Variants in EIF4A3 observed in about 807,000 individuals in gnomAD.
The protein encoded by EIF4A3 is eukaryotic translation initiation factor 4A3.
Under a neutral mutation model 55.6 loss-of-function variants are expected in EIF4A3, and 1 was observed. The ratio of observed to expected loss-of-function variants is 0.02; its 90% confidence interval spans 0.01 to 0.09. The LOEUF is 0.09. EIF4A3 is among the 10% of genes least tolerant of loss of function. The pLI is 1.00. For synonymous variants in EIF4A3, 194 were observed against 196.3 expected, an observed-to-expected ratio of 0.99 and a Z score of 0.10; for missense variants, 221 against 540.7, an observed-to-expected ratio of 0.41 and a Z score of 5.86.
At chr17:80,139,869 C>A (rs2039603413) in intron 5 of EIF4A3, 119 bp from the exon 6 acceptor site, 1 of 1,496,112 alleles carries the variant, frequency 6.7e-7, no homozygotes, top group East Asian at 2.3e-5. Flanking sequence ...GTTCCAGAGA[C>A]CTTCCCTCTA....
intron 1 of EIF4A3, among the ~76,000 whole-genome samples, chr17:80,146,190 GC>G (rs2039661239): frequency 6.6e-6 from 1 of 152,160 alleles, no homozygotes; most frequent in African/African-American, 2.4e-5. Flanking sequence ...CTGGCTAAGG[GC>G]TGCAAGGCCC....
Position 80,134,582 on chromosome 17 carries a change from G to T in EIF4A3, c.*908C>A, listed in dbSNP as rs1033504372. Among the ~76,000 whole-genome samples the T allele has an allele frequency of 6.6e-6, 1 of 151,994 alleles. No homozygotes were observed. The highest frequency in any genetic ancestry group is 6.6e-5 in the Admixed American group (1 of 15,260). On this transcript the variant is annotated 3_prime_UTR_variant, in exon 12 of 12. Transcript: ENST00000649764. ...CTCACACCTGTTATCCCAGCACTTT[G>T]TAAGGCCAAGATGGGAGAATCACTT...
At position 80,137,487 on chromosome 17, in the gene EIF4A3, C is replaced by T. The variant is rs149463025; in HGVS notation, c.882G>A (p.Thr294=). ...TGAAGTTGGCTTCCCTCATTTTCTC[C>T]GTCAGCCAGTCCACCTACAAATCCA... ...CNTKRKVDWL[T]EKMREANFTV... Residue 294 remains threonine (T), a synonymous_variant, in exon 9 of 12, where the codon ACG becomes ACA. Transcript: ENST00000649764. 66 of 1,613,112 alleles carry T rather than the reference C, an allele frequency of 4.1e-5. No homozygotes were observed. The African/African-American group carries it at 4.9e-4, about 12-fold the overall frequency.
chr17:80,139,190 G>A, intron 6 of EIF4A3, 28 bp from the exon 7 acceptor site: 2 of 1,612,626 alleles, frequency 1.2e-6, no homozygotes, highest in Non-Finnish European at 1.7e-6. Flanking sequence ...ACAGGTGAGG[G>A]ATGTTTAGGG....
chr17:80,142,041 A>G (rs1373499689), intron 2 of EIF4A3, among the ~76,000 whole-genome samples, 193 bp from the exon 3 acceptor site: 1 of 152,202 alleles, frequency 6.6e-6, no homozygotes, highest in Non-Finnish European at 1.5e-5. Context: ...GAAGAAAGAG[A>G]GTAGACATGG....
rs1167304145 is a variant in EIF4A3 at position 80,139,754 on chromosome 17, T to A, written c.506-4A>T. 6.2e-7 allele frequency: 1 copy of A among 1,612,052 alleles called. No homozygotes were observed. Among genetic ancestry groups the A allele is most frequent in the South Asian group, 1.1e-5 (1 of 90,504 alleles). On this transcript the variant is annotated splice_polypyrimidine_tract_variant and splice_region_variant and intron_variant, in intron 5 of 11. Transcript: ENST00000649764. ...AGGCTTCTGCGACGAATCATATCTATAACATGAGATTTTGAAATACTTACG... is the reference window on the plus strand; with the variant it reads ...AGGCTTCTGCGACGAATCATATCTAAAACATGAGATTTTGAAATACTTACG...
At chr17:80,145,366 C>T (rs1348375338) in intron 1 of EIF4A3, among the ~76,000 whole-genome samples, 1 of 152,088 alleles carries the variant, frequency 6.6e-6, no homozygotes, top group Non-Finnish European at 1.5e-5. Context: ...GAGTTCAAGA[C>T]CAGCCTGGGC....
At position 80,140,082 on chromosome 17, in the gene EIF4A3, G is replaced by A; in HGVS notation, c.431C>T (p.Thr144Ile). The change falls in exon 5 of 12, where the codon ACC becomes ATC. Residue 144 changes from threonine (T) to isoleucine (I), a missense_variant. This residue lies in a region of EIF4A3 where 85 missense variants were observed against 205.8 expected (regional missense o/e 0.41). Coordinates refer to ENST00000649764, the MANE Select transcript of EIF4A3 (RefSeq NM_014740.4). Reference sequence around the variant, plus strand: ...CTTCCTGATGTCCTCGCCAACATTGGTGCCTCCAATGCAGGCATGGCACTG... The same window carrying A: ...CTTCCTGATGTCCTCGCCAACATTGATGCCTCCAATGCAGGCATGGCACTG... ...NVQCHACIGG[T>I]NVGEDIRKLD... The A allele has an allele frequency of 1.2e-6, 2 of 1,613,776 alleles. No homozygotes were observed. The highest frequency in any genetic ancestry group is 1.7e-6 in the Non-Finnish European group (2 of 1,179,948).
intron 5 of EIF4A3, 70 bp from the exon 6 acceptor site, chr17:80,139,820 G>C: frequency 6.5e-7 from 1 of 1,542,102 alleles, no homozygotes; most frequent in Non-Finnish European, 8.9e-7. Context: ...TCACACCTGA[G>C]GCTCCCAAGA....
At chr17:80,143,750 G>A (rs1240320449) in intron 2 of EIF4A3, among the ~76,000 whole-genome samples, 1 of 152,170 alleles carries the variant, frequency 6.6e-6, no homozygotes, top group Admixed American at 6.5e-5. Flanking sequence ...AGGCCAAGGA[G>A]GGTGGATCAC....
intron 1 of EIF4A3, among the ~76,000 whole-genome samples, chr17:80,145,885 C>A (rs1361236512): frequency 6.6e-6 from 1 of 152,134 alleles, no homozygotes; most frequent in Non-Finnish European, 1.5e-5. Context: ...CCTGGTACTC[C>A]ATCTCCAAGG....
At chr17:80,136,572 AAT>A in intron 9 of EIF4A3, 1 of 535,190 alleles carries the variant, frequency 1.9e-6, no homozygotes, top group African/African-American at 1.9e-5. Context: ...AGATTAAAAA[AAT>A]AGACATCTTT....
intron 2 of EIF4A3, among the ~76,000 whole-genome samples, chr17:80,143,762 T>C (rs552288297): frequency 1.3e-5 from 2 of 152,182 alleles, no homozygotes; most frequent in East Asian, 3.9e-4. Flanking sequence ...GTGGATCACC[T>C]GAGGTCAGGA....
At position 80,136,216 on chromosome 17, in the gene EIF4A3, C is replaced by T. The variant is rs759653933; in HGVS notation, c.1091+12G>A. The stretch of plus-strand genomic sequence containing the variant: ...GTCACAGAAGTGAAGCCAATGAGAG[C>T]TTGCACCTTACCTGTGTATGTACAA... On this transcript the variant is annotated intron_variant, in intron 10 of 11. Transcript: ENST00000649764. The T allele has an allele frequency of 8.7e-6, 14 of 1,612,896 alleles. No homozygotes were observed. Among genetic ancestry groups the T allele is most frequent in the Admixed American group, 1.7e-5 (1 of 59,948 alleles).
chr17:80,144,682 C>A (rs76850343), intron 1 of EIF4A3, among the ~76,000 whole-genome samples: 16 of 150,316 alleles, frequency 1.1e-4, no homozygotes, highest in Admixed American at 4.0e-4. Context: ...AAAAAAAAAA[C>A]AACAAAAAAA....
chr17:80,143,796 T>C (rs1209802264), intron 2 of EIF4A3, among the ~76,000 whole-genome samples: 1 of 124,880 alleles, frequency 8.0e-6, no homozygotes, highest in African/African-American at 3.2e-5. Context: ...CTGACCAACA[T>C]GGTGAAACCC....
At chr17:80,137,341 G>C (rs1416074537) in intron 9 of EIF4A3, 45 bp downstream of exon 9, 1 of 1,560,362 alleles carries the variant, frequency 6.4e-7, no homozygotes, top group Non-Finnish European at 8.8e-7. Flanking sequence ...CTTAGACACA[G>C]TCTAGCAAAC....
chr17:80,138,024 C>G (rs1246939978), intron 8 of EIF4A3, 118 bp downstream of exon 8: 1 of 1,343,972 alleles, frequency 7.4e-7, no homozygotes, highest in African/African-American at 1.5e-5. Flanking sequence ...GAACACATAC[C>G]CTGAAAGCTT....
Position 80,141,246 on chromosome 17 carries a change from A to G in EIF4A3, c.372+73T>C, listed in dbSNP as rs1044801295. 5 of 1,448,964 alleles carry G rather than the reference A, an allele frequency of 3.5e-6. No homozygotes were observed. In the East Asian group the frequency reaches 1.2e-4, roughly 33 times the overall value. The allele number at this position is 1,448,964 out of a possible 1,614,324, so 89.8% of individuals were successfully genotyped here. ...GAAAACAGGATTGGATTAAATAAAT[A>G]AGTCGGTGTTTCACAACTAAATCAC... On this transcript the variant is annotated intron_variant, in intron 4 of 11. Coordinates refer to ENST00000649764, the MANE Select transcript of EIF4A3 (RefSeq NM_014740.4).
Sources: gnomAD v4.1 joint callset for allele counts (sites outside exome capture counted in the v4.1 genomes callset) on GRCh38, gnomAD v4.1.1 for gene constraint, gnomAD v4.1.1 regional missense constraint, MANE v1.5 for transcripts, NCBI Gene and HGNC (gene_info 2026-07-23, HGNC 2026-07-21) for gene names.